JPT2: variants seen among roughly 807,000 people sequenced by gnomAD.
The protein encoded by JPT2 is Jupiter microtubule associated homolog 2.
A neutral mutation model predicts 15.9 loss-of-function variants in JPT2; 9 were observed. The observed-to-expected ratio is 0.57, with a 90% confidence interval of 0.34 to 0.99. The LOEUF is 0.99. JPT2 is among the 50% of genes least tolerant of loss of function. The pLI is 0.02. For synonymous variants in JPT2, 95 were observed against 91.7 expected, an observed-to-expected ratio of 1.04 and a Z score of -0.21; for missense variants, 267 against 252.1, an observed-to-expected ratio of 1.06 and a Z score of -0.40.
Position 1,701,031 on chromosome 16 carries a change from C to T in JPT2, c.*2033C>T, listed in dbSNP as rs2037177041. 6.6e-6 allele frequency: 1 copy of T among 152,248 alleles called. No individual in the cohort carries two copies. 9.4% of individuals were successfully genotyped at this position (152,248 alleles called of 1,614,324 possible). A position where few individuals can be genotyped will look rare whatever the true frequency, so the allele number is the denominator to read the frequency against. ...CTTGCATCTGTCCTGCCTTCTTTCC[C>T]TCTGCGAGGCAGTGGGGTGGGATTC... On this transcript the variant is annotated 3_prime_UTR_variant, in exon 5 of 5. Coordinates refer to ENST00000248098, the MANE Select transcript of JPT2 (RefSeq NM_144570.3).
chr16:1,682,788 G>A (rs147801188), intron 1 of JPT2, among the ~76,000 whole-genome samples: 21 of 152,044 alleles, frequency 1.4e-4, no homozygotes, highest in Admixed American at 7.2e-4. Flanking sequence ...GTTAAGCCAC[G>A]CCCTCCCACC....
At chr16:1,702,516 G>C (rs886488278), downstream of JPT2, among the ~76,000 whole-genome samples, 1 of 152,228 alleles carries the variant, frequency 6.6e-6, no homozygotes, top group Middle Eastern at 3.2e-3. Flanking sequence ...CCGAAGGGTT[G>C]CCACCTCGAG....
chr16:1,692,116 A>G, intron 3 of JPT2, 131 bp downstream of exon 3: 1 of 1,194,632 alleles, frequency 8.4e-7, no homozygotes, highest in Non-Finnish European at 1.2e-6. Flanking sequence ...TCCTGGATGC[A>G]AGCATTAGTC....
rs1184974878 is a variant in JPT2 at position 1,699,633 on chromosome 16, C to A, written c.*635C>A. On this transcript the variant is annotated 3_prime_UTR_variant, in exon 5 of 5. Coordinates refer to ENST00000248098, the MANE Select transcript of JPT2 (RefSeq NM_144570.3). ...CCCTGACCCTCTGAAGTGCCCAGTT[C>A]CTGCCATCTGAAACCTCGGCCTGAT... 1 of 279,556 alleles carries A rather than the reference C, an allele frequency of 3.6e-6. No individual in the cohort carries two copies. The highest frequency in any genetic ancestry group is 3.8e-5 in the South Asian group (1 of 26,206). The allele number at this position is 279,556 out of a possible 1,614,324, so 17.3% of individuals were successfully genotyped here.
chr16:1,692,194 G>A, intron 3 of JPT2: 1 of 651,634 alleles, frequency 1.5e-6, no homozygotes, highest in African/African-American at 1.8e-5. Context: ...GAAGCCGTGG[G>A]GGAAGCTCTT....
chr16:1,697,657 C>G (rs1053414499), intron 3 of JPT2, among the ~76,000 whole-genome samples, 155 bp from the exon 4 acceptor site: 1 of 152,096 alleles, frequency 6.6e-6, no homozygotes, highest in African/African-American at 2.4e-5. Context: ...AGGTTTGTTT[C>G]AGAATAGTCT....
downstream of JPT2, among the ~76,000 whole-genome samples, chr16:1,702,476 G>C (rs554589825): frequency 2.0e-5 from 3 of 152,340 alleles, no homozygotes; most frequent in South Asian, 6.2e-4. Flanking sequence ...GGTGCCACCT[G>C]GTACAGGGTG....
At position 1,701,092 on chromosome 16, in the gene JPT2, TC is replaced by T. The variant is rs1413732399; in HGVS notation, c.*2096del. The T allele has an allele frequency of 6.6e-6, 1 of 152,424 alleles. No individual in the cohort carries two copies. The highest frequency in any genetic ancestry group is 1.5e-5 in the Non-Finnish European group (1 of 68,092). The allele number at this position is 152,424 out of a possible 1,614,324, so 9.4% of individuals were successfully genotyped here. On this transcript the variant is annotated 3_prime_UTR_variant, in exon 5 of 5. Transcript: ENST00000248098. The stretch of plus-strand genomic sequence containing the variant: ...GTCTGCTCACTGGGAGAAGAAGAGT[TC>T]CTGCGCATGCAAGCCCTGCTGTGTG...
chr16:1,688,489 C>T (rs766317383), intron 2 of JPT2: 8 of 152,216 alleles, frequency 5.3e-5, no homozygotes, highest in Non-Finnish European at 7.3e-5. Context: ...TAGTTCCAAC[C>T]GGTTTTTCAG....
rs2037170863 is a variant in JPT2, at chr16:1,700,106, G to A, written c.*1108G>A. The A allele has an allele frequency of 2.2e-6, 1 of 455,428 alleles. No individual in the cohort carries two copies. The highest frequency in any genetic ancestry group is 4.4e-6 in the Non-Finnish European group (1 of 226,408). 28.2% of individuals were successfully genotyped at this position (455,428 alleles called of 1,614,324 possible). On this transcript the variant is annotated 3_prime_UTR_variant, in exon 5 of 5. Transcript: ENST00000248098. The stretch of plus-strand genomic sequence containing the variant: ...TCAATTGTTCAGGTACACCAAAGAG[G>A]AAGAAGAGCTGTGGAGGCCACCCTC...
Position 1,678,296 on chromosome 16 carries a change from G to C in JPT2, c.-17G>C. 1 of 1,236,864 alleles carries C rather than the reference G, an allele frequency of 8.1e-7. No homozygotes were observed. The highest frequency in any genetic ancestry group is 1.0e-6 in the Non-Finnish European group (1 of 987,146). 76.6% of individuals were successfully genotyped at this position (1,236,864 alleles called of 1,614,324 possible). A position where few individuals can be genotyped will look rare whatever the true frequency, so the allele number is the denominator to read the frequency against. On this transcript the variant is annotated 5_prime_UTR_variant, in exon 1 of 5. Transcript: ENST00000248098. ...GCGGGAACGGCGCGCGGCGAGCTGAGGGTGGCGGCGGTCGACATGTTCCAG... is the reference window on the plus strand; with the variant it reads ...GCGGGAACGGCGCGCGGCGAGCTGACGGTGGCGGCGGTCGACATGTTCCAG...
chr16:1,679,462 G>T (rs2037003016), intron 1 of JPT2, among the ~76,000 whole-genome samples: 1 of 152,164 alleles, frequency 6.6e-6, no homozygotes, highest in South Asian at 2.1e-4. Context: ...TTGGGAGGCT[G>T]AGGTGGGCGA....
chr16:1,679,082 AT>A (rs1361553925), intron 1 of JPT2, among the ~76,000 whole-genome samples: 10 of 152,308 alleles, frequency 6.6e-5, no homozygotes, highest in South Asian at 2.1e-4. Flanking sequence ...CACTTTTCTT[AT>A]GTTTTTGAAC....
chr16:1,691,045 C>G (rs1459353358), intron 2 of JPT2, among the ~76,000 whole-genome samples: 1 of 152,182 alleles, frequency 6.6e-6, no homozygotes, highest in Non-Finnish European at 1.5e-5. Context: ...ATTATAAGTT[C>G]TTGGTGCACC....
At chr16:1,686,749 T>C (rs1002560827) in intron 2 of JPT2, 1 of 151,840 alleles carries the variant, frequency 6.6e-6, no homozygotes, top group Non-Finnish European at 1.5e-5. Flanking sequence ...TCCAGTTGAA[T>C]AACCACCCAG....
chr16:1,691,788 G>A (rs1395891894), intron 2 of JPT2, 55 bp from the exon 3 acceptor site: 6 of 1,574,370 alleles, frequency 3.8e-6, no homozygotes, highest in Non-Finnish European at 5.2e-6. Flanking sequence ...GGGGTGGGGT[G>A]GGGTGGGGTC....
Position 1,700,323 on chromosome 16 carries a change from T to G in JPT2, c.*1325T>G, listed in dbSNP as rs373018482. 12 of 359,730 alleles carry G rather than the reference T, an allele frequency of 3.3e-5. No individual in the cohort carries two copies. The highest frequency in any genetic ancestry group is 2.3e-4 in the African/African-American group (11 of 47,586). 22.3% of individuals were successfully genotyped at this position (359,730 alleles called of 1,614,324 possible). ...ATCTTCAGGCAGAAGCCTCTGCCCA[T>G]CCCCCTCAAGGGCTGCAGGCCCAGT... On this transcript the variant is annotated 3_prime_UTR_variant, in exon 5 of 5. Coordinates refer to ENST00000248098, the MANE Select transcript of JPT2 (RefSeq NM_144570.3).
chr16:1,680,769 A>G (rs2037016398), intron 1 of JPT2, among the ~76,000 whole-genome samples: 1 of 152,172 alleles, frequency 6.6e-6, no homozygotes, highest in Non-Finnish European at 1.5e-5. Flanking sequence ...GTCTTCCTTC[A>G]AGCTGGAACA....
chr16:1,683,677 C>T, intron 1 of JPT2: 3 of 943,246 alleles, frequency 3.2e-6, no homozygotes, highest in Non-Finnish European at 4.9e-6. Context: ...TCTCTGCCTT[C>T]CTGCTTTATA....
Sources: allele counts gnomAD v4.1 joint callset (sites outside exome capture counted in the v4.1 genomes callset), GRCh38; gene constraint gnomAD v4.1.1; transcripts MANE v1.5; gene names NCBI Gene and HGNC (gene_info 2026-07-23, HGNC 2026-07-21).